The following DNAJC3 variants were observed in gnomAD, a reference collection of about 807,000 sequenced individuals.
The protein encoded by DNAJC3 is dnaJ homolog subfamily C member 3.
Under a neutral mutation model 68.6 loss-of-function variants are expected in DNAJC3, and 38 were observed. That is an observed-to-expected ratio of 0.55 (90% CI 0.43 to 0.73). The LOEUF (loss-of-function observed/expected upper bound fraction) is 0.73. DNAJC3 is among the 30% of genes least tolerant of loss of function. DNAJC3 has a pLI of 0.00. For synonymous variants in DNAJC3, 203 were observed against 204.0 expected (o/e 1.00, Z 0.04); for missense variants, 526 against 591.9 (o/e 0.89, Z 1.16).
At position 95,726,614 on chromosome 13, in the gene DNAJC3, T is replaced by A. The variant is rs553321577; in HGVS notation, c.393+1362T>A. On this transcript the variant is annotated intron_variant, in intron 4 of 11. Coordinates refer to ENST00000602402, the MANE Select transcript of DNAJC3 (RefSeq NM_006260.5). Reference sequence around the variant, plus strand: ...AGTGCTTTGGATTTGTTAGGGAATGTTACAGATTTTGTGTCATTGAAGGGG... The same window carrying A: ...AGTGCTTTGGATTTGTTAGGGAATGATACAGATTTTGTGTCATTGAAGGGG... Among the ~76,000 whole-genome samples, 25 of 152,294 alleles carry A rather than the reference T, an allele frequency of 1.6e-4. No individual in the cohort carries two copies. In the South Asian group the frequency reaches 3.5e-3, roughly 21 times the overall value.
intron 4 of DNAJC3, among the ~76,000 whole-genome samples, chr13:95,729,117 C>T (rs1555325550): frequency 6.6e-6 from 1 of 152,124 alleles, no homozygotes; most frequent in Non-Finnish European, 1.5e-5. Context: ...ATCCATGTGG[C>T]TGCATATGAA....
chr13:95,722,902 T>C (rs1042379506), intron 2 of DNAJC3, among the ~76,000 whole-genome samples: 19 of 147,636 alleles, frequency 1.3e-4, no homozygotes, highest in African/African-American at 4.7e-4. Context: ...CGAACTTTTT[T>C]TCTAAAGGGC....
intron 4 of DNAJC3, among the ~76,000 whole-genome samples, chr13:95,757,340 C>T (rs570309950): frequency 2.0e-5 from 3 of 152,264 alleles, no homozygotes; most frequent in Non-Finnish European, 4.4e-5. Context: ...AAGTGAAAAA[C>T]GTGCTTTCCT....
At chr13:95,764,375 C>CTCTCTATATA (rs1363565634) in intron 9 of DNAJC3, among the ~76,000 whole-genome samples, 1 of 124,022 alleles carries the variant, frequency 8.1e-6, no homozygotes, top group African/African-American at 3.2e-5. Flanking sequence ...CTCTCTCTCT[C>CTCTCTATATA]TATATATATA....
At chr13:95,778,058 A>G (rs1349092793) in intron 9 of DNAJC3, among the ~76,000 whole-genome samples, 1 of 152,192 alleles carries the variant, frequency 6.6e-6, no homozygotes. Flanking sequence ...GCTTTTGCTC[A>G]AGGGTTGGAA....
chr13:95,690,797 C>T (rs1436757467), intron 1 of DNAJC3, among the ~76,000 whole-genome samples: 2 of 142,964 alleles, frequency 1.4e-5, no homozygotes, highest in African/African-American at 5.2e-5. Context: ...GGGGCTGACC[C>T]CCCCACCTCC....
chr13:95,772,119 G>T (rs1883174953), intron 9 of DNAJC3, among the ~76,000 whole-genome samples: 1 of 152,160 alleles, frequency 6.6e-6, no homozygotes, highest in African/African-American at 2.4e-5. Context: ...AAATGAATAG[G>T]CATGGCTGTG....
rs1881398133 is a variant in DNAJC3, at chr13:95,723,267, T to G, written c.219T>G (p.Ala73=). The change falls in exon 3 of 12, where the codon GCT becomes GCG. Residue 73 remains alanine, a synonymous_variant. Coordinates refer to ENST00000602402, the MANE Select transcript of DNAJC3 (RefSeq NM_006260.5). ...AVDGDPDNYI[A]YYRRATVFLA... is the part of the protein sequence containing the mutation. Reference sequence around the variant, plus strand: ...ATGGTGACCCTGATAACTATATTGCTTATTATCGGAGGGCTACTGTCTTTT... The same window carrying G: ...ATGGTGACCCTGATAACTATATTGCGTATTATCGGAGGGCTACTGTCTTTT... 6.2e-7 allele frequency: 1 copy of G among 1,611,346 alleles called. No individual in the cohort carries two copies. The highest frequency in any genetic ancestry group is 8.5e-7 in the Non-Finnish European group (1 of 1,178,020).
chr13:95,775,987 TTA>T (rs761349171), intron 9 of DNAJC3, among the ~76,000 whole-genome samples: 2 of 150,808 alleles, frequency 1.3e-5, no homozygotes, highest in African/African-American at 2.4e-5. Context: ...GATACTCTTT[TTA>T]TATATATATA....
At chr13:95,724,283 T>C (rs979476520) in intron 3 of DNAJC3, among the ~76,000 whole-genome samples, 3 of 152,166 alleles carry the variant, frequency 2.0e-5, no homozygotes, top group African/African-American at 7.2e-5. Flanking sequence ...TTAACAGGGT[T>C]AGGAAAATTT....
intron 4 of DNAJC3, among the ~76,000 whole-genome samples, chr13:95,728,411 C>T (rs1457104347): frequency 1.3e-5 from 2 of 152,060 alleles, no homozygotes; most frequent in African/African-American, 4.8e-5. Flanking sequence ...ATTTGGATTT[C>T]TCTGATTACT....
intron 5 of DNAJC3, among the ~76,000 whole-genome samples, chr13:95,758,198 G>A (rs1270811206): frequency 1.3e-5 from 2 of 152,124 alleles, no homozygotes; most frequent in Non-Finnish European, 2.9e-5. Context: ...CAGATAAAGA[G>A]TTGATAGTAT....
intron 4 of DNAJC3, among the ~76,000 whole-genome samples, chr13:95,751,252 A>G (rs768724018): frequency 6.6e-6 from 1 of 152,218 alleles, no homozygotes; most frequent in Non-Finnish European, 1.5e-5. Flanking sequence ...CAAAAAAGAC[A>G]TATATTCTGC....
chr13:95,738,542 T>A (rs999297948), intron 4 of DNAJC3, among the ~76,000 whole-genome samples: 2 of 152,180 alleles, frequency 1.3e-5, no homozygotes, highest in Non-Finnish European at 2.9e-5. Context: ...GATAGTTAGC[T>A]CTTCTTGTTG....
intron 2 of DNAJC3, among the ~76,000 whole-genome samples, chr13:95,720,281 T>G (rs1881281603): frequency 6.6e-6 from 1 of 152,196 alleles, no homozygotes; most frequent in African/African-American, 2.4e-5. Context: ...AGGCCTTAAA[T>G]CATCGTATTT....
chr13:95,760,861 G>C (rs1335015301), intron 7 of DNAJC3, 63 bp downstream of exon 7: 4 of 1,558,472 alleles, frequency 2.6e-6, no homozygotes, highest in Non-Finnish European at 3.5e-6. Context: ...GGGCACAAGT[G>C]AACTACAGAA....
At chr13:95,764,691 CACACAT>C (rs1357739512) in intron 9 of DNAJC3, among the ~76,000 whole-genome samples, 1 of 131,446 alleles carries the variant, frequency 7.6e-6, no homozygotes, top group African/African-American at 3.0e-5. Flanking sequence ...TATACACACA[CACACAT>C]ATATATATAC....
chr13:95,691,720 T>C (rs1593954436), intron 1 of DNAJC3, among the ~76,000 whole-genome samples: 1 of 152,002 alleles, frequency 6.6e-6, no homozygotes, highest in South Asian at 2.1e-4. Context: ...GAGGTGGAGG[T>C]TGTAGCGAGC....
intron 9 of DNAJC3, among the ~76,000 whole-genome samples, chr13:95,775,459 T>C (rs1160952985): frequency 6.6e-6 from 1 of 152,214 alleles, no homozygotes; most frequent in Non-Finnish European, 1.5e-5. Context: ...TGCTTATATT[T>C]ACAGCTTTAA....
Sources: allele counts gnomAD v4.1 joint callset (sites outside exome capture counted in the v4.1 genomes callset), GRCh38; gene constraint gnomAD v4.1.1; transcripts MANE v1.5; gene names NCBI Gene and HGNC (gene_info 2026-07-23, HGNC 2026-07-21).